Variants in CDH18 observed in about 807,000 individuals in gnomAD.
The protein encoded by CDH18 is cadherin-18.
Under a neutral mutation model 67.9 loss-of-function variants are expected in CDH18, and 31 were observed. That is an observed-to-expected ratio of 0.46 (90% CI 0.34 to 0.62). The LOEUF (loss-of-function observed/expected upper bound fraction) is 0.62. Among genes scored for constraint, CDH18 ranks in the 20% least tolerant of loss-of-function variants. The pLI is 0.01. For missense variants in CDH18, 890 were observed against 975.5 expected, an observed-to-expected ratio of 0.91 and a Z score of 1.17; for synonymous variants, 362 against 347.2, an observed-to-expected ratio of 1.04 and a Z score of -0.48.
chr5:20,467,797 T>G (rs551403119), intron 1 of CDH18, among the ~76,000 whole-genome samples: 25 of 152,136 alleles, frequency 1.6e-4, no homozygotes, highest in Non-Finnish European at 3.1e-4. Context: ...GTTAGTACCA[T>G]TTACTGAAAT....
chr5:19,518,791 G>A (rs1746427496), intron 10 of CDH18, among the ~76,000 whole-genome samples: 1 of 152,106 alleles, frequency 6.6e-6, no homozygotes, highest in Admixed American at 6.5e-5. Flanking sequence ...CTTGCACAGG[G>A]CCTACTGTGG....
chr5:20,254,777 G>A (rs1328614816), intron 2 of CDH18, among the ~76,000 whole-genome samples: 1 of 152,062 alleles, frequency 6.6e-6, no homozygotes, highest in African/African-American at 2.4e-5. Context: ...TATACCCAAA[G>A]GAAAATAGAT....
chr5:20,505,074 G>C (rs71599757), intron 1 of CDH18, among the ~76,000 whole-genome samples: 1 of 146,818 alleles, frequency 6.8e-6, no homozygotes, highest in East Asian at 2.1e-4. Context: ...GCCACAAAAG[G>C]GAACTTTAAG....
intron 1 of CDH18, among the ~76,000 whole-genome samples, chr5:20,539,782 C>A (rs901043041): frequency 4.7e-5 from 7 of 149,362 alleles, no homozygotes; most frequent in African/African-American, 1.7e-4. Context: ...ACACACACAC[C>A]CTCCCTAGAA....
chr5:20,384,152 A>G (rs561503981), intron 1 of CDH18, among the ~76,000 whole-genome samples: 1 of 152,292 alleles, frequency 6.6e-6, no homozygotes, highest in East Asian at 1.9e-4. Context: ...TAATAACAAT[A>G]CAGTATTCTC....
At chr5:19,504,605 T>C (rs1199169524) in intron 10 of CDH18, among the ~76,000 whole-genome samples, 1 of 152,068 alleles carries the variant, frequency 6.6e-6, no homozygotes, top group African/African-American at 2.4e-5. Flanking sequence ...AAAATGTCAA[T>C]ATTTTAAGTT....
At chr5:20,172,190 GTA>G (rs70954640) in intron 2 of CDH18, among the ~76,000 whole-genome samples, 532 of 23,318 alleles carry the variant, frequency 0.023, 33 homozygotes, top group African/African-American at 0.048. Flanking sequence ...AGCATTGTGT[GTA>G]TATATATATA....
intron 2 of CDH18, among the ~76,000 whole-genome samples, chr5:19,941,014 T>C (rs1323484703): frequency 6.6e-6 from 1 of 152,100 alleles, no homozygotes; most frequent in Admixed American, 6.6e-5. Context: ...GAGAGTAAAG[T>C]CTTTAAACTA....
intron 4 of CDH18, among the ~76,000 whole-genome samples, chr5:19,742,294 C>T (rs1443671555): frequency 1.3e-5 from 2 of 152,082 alleles, no homozygotes; most frequent in African/African-American, 2.4e-5. Flanking sequence ...CCAAGGAAGT[C>T]TCTGGTACTG....
chr5:19,709,054 A>G (rs900019955), intron 5 of CDH18, among the ~76,000 whole-genome samples: 3 of 151,944 alleles, frequency 2.0e-5, no homozygotes, highest in African/African-American at 7.2e-5. Flanking sequence ...TCAAACCTGT[A>G]CTGTTGGTAA....
intron 1 of CDH18, among the ~76,000 whole-genome samples, chr5:20,291,258 A>G (rs1191482927): frequency 6.6e-6 from 1 of 152,148 alleles, no homozygotes; most frequent in East Asian, 1.9e-4. Flanking sequence ...TCTATTAGCA[A>G]ATAGATGATA....
At chr5:20,352,367 G>A (rs967966063) in intron 1 of CDH18, among the ~76,000 whole-genome samples, 5 of 151,944 alleles carry the variant, frequency 3.3e-5, no homozygotes, top group Non-Finnish European at 7.4e-5. Context: ...GTTATTCTGG[G>A]GGGAAGTCAA....
At chr5:19,915,087 CACTAAA>C (rs1489105914) in intron 2 of CDH18, among the ~76,000 whole-genome samples, 2 of 152,024 alleles carry the variant, frequency 1.3e-5, no homozygotes, top group Non-Finnish European at 2.9e-5. Context: ...TTTGATGTTC[CACTAAA>C]ACATACTGCT....
At chr5:20,494,498 T>C (rs1215178121) in intron 1 of CDH18, among the ~76,000 whole-genome samples, 2 of 152,138 alleles carry the variant, frequency 1.3e-5, no homozygotes, top group Non-Finnish European at 2.9e-5. Context: ...TTCTTATTTT[T>C]CTATCTCAAA....
chr5:20,270,945 C>T (rs958609119), intron 1 of CDH18, among the ~76,000 whole-genome samples: 2 of 151,824 alleles, frequency 1.3e-5, no homozygotes, highest in African/African-American at 4.8e-5. Context: ...AAAACATGGG[C>T]CACATAGAGG....
chr5:19,876,055 A>G (rs761901393), intron 2 of CDH18, among the ~76,000 whole-genome samples: 73 of 152,244 alleles, frequency 4.8e-4, no homozygotes, highest in Non-Finnish European at 8.8e-4. Context: ...AGGTTTGGCT[A>G]TAATTGCTGA....
intron 1 of CDH18, among the ~76,000 whole-genome samples, chr5:20,532,554 A>G (rs1756469787): frequency 6.6e-6 from 1 of 152,104 alleles, no homozygotes; most frequent in East Asian, 1.9e-4. Flanking sequence ...TATAGTCTTG[A>G]ACATTATTTC....
intron 2 of CDH18, among the ~76,000 whole-genome samples, chr5:19,950,060 A>T (rs1211389561): frequency 6.6e-6 from 1 of 151,262 alleles, no homozygotes; most frequent in Admixed American, 6.6e-5. Flanking sequence ...AGATATATAC[A>T]TATATATGTA....
chr5:19,930,768 C>T (rs1033007634), intron 2 of CDH18, among the ~76,000 whole-genome samples: 5 of 151,926 alleles, frequency 3.3e-5, no homozygotes, highest in African/African-American at 1.2e-4. Flanking sequence ...GCTTGTAGTG[C>T]ATAAGATCCG....
Sources: allele counts gnomAD v4.1 joint callset (sites outside exome capture counted in the v4.1 genomes callset), GRCh38; gene constraint gnomAD v4.1.1; transcripts MANE v1.5; gene names NCBI Gene and HGNC (gene_info 2026-07-23, HGNC 2026-07-21).